The following RARA variants were observed in gnomAD, a reference collection of about 807,000 sequenced individuals.
The protein encoded by RARA is retinoic acid receptor alpha.
A neutral mutation model predicts 42.8 loss-of-function variants in RARA; 5 were observed. The observed-to-expected ratio is 0.12, with a 90% confidence interval of 0.06 to 0.25. RARA has a LOEUF of 0.25. Ranked by LOEUF, RARA falls within the 10% of genes least tolerant of loss-of-function variation. The pLI is 1.00. For missense variants in RARA, 402 were observed against 628.7 expected, an observed-to-expected ratio of 0.64 and a Z score of 3.86; for synonymous variants, 256 against 259.5, an observed-to-expected ratio of 0.99 and a Z score of 0.13.
chr17:40,341,688 A>G (rs1265695664), intron 2 of RARA: 2 of 1,331,778 alleles, frequency 1.5e-6, no homozygotes, highest in Non-Finnish European at 1.9e-6. Flanking sequence ...GCATTAGGCA[A>G]ATGAGGCCCG....
At position 40,331,035 on chromosome 17, in the gene RARA, TG is replaced by T; in HGVS notation, c.-179del. 3.2e-6 allele frequency: 2 copies of T among 623,136 alleles called. No homozygotes were observed. Among genetic ancestry groups the T allele is most frequent in the Non-Finnish European group, 5.2e-6 (2 of 382,724 alleles). The allele number at this position is 623,136 out of a possible 1,614,324, so 38.6% of individuals were successfully genotyped here. On this transcript the variant is annotated 5_prime_UTR_variant, in exon 2 of 9. Transcript: ENST00000254066. ...CAACCCACCTGGCCCCCAGCTAGGG[TG>T]GGGGCTCCAGGAGACTGAGATTAGC...
rs1048398357 is a variant in RARA at position 40,326,783 on chromosome 17, C to T, written c.-362-4074C>T. Reference sequence around the variant, plus strand: ...TTTGGTACTGGTTTCGATTCTCTGCCGAGGCCTTCTCCACCCCTGGGGTGT... The same window carrying T: ...TTTGGTACTGGTTTCGATTCTCTGCTGAGGCCTTCTCCACCCCTGGGGTGT... On this transcript the variant is annotated intron_variant, in intron 1 of 8. Coordinates refer to ENST00000254066, the MANE Select transcript of RARA (RefSeq NM_000964.4). This position sits in a 1 kb window ranked among gnomAD's most constrained non-coding sequence, Gnocchi z 5.2. Among the ~76,000 whole-genome samples the T allele has an allele frequency of 2.6e-4, 39 of 152,218 alleles. No individual in the cohort carries two copies. The highest frequency in any genetic ancestry group is 8.9e-4 in the African/African-American group (37 of 41,520).
At chr17:40,338,706 CAAAAAAA>C (rs34668171) in intron 2 of RARA, among the ~76,000 whole-genome samples, 3 of 52,422 alleles carry the variant, frequency 5.7e-5, no homozygotes, top group Non-Finnish European at 8.0e-5. Flanking sequence ...GACTTGGACT[CAAAAAAA>C]AAAAAAAAAA....
intron 1 of RARA, among the ~76,000 whole-genome samples, chr17:40,322,708 C>T (rs1013105416): frequency 2.0e-5 from 3 of 151,392 alleles, no homozygotes; most frequent in South Asian, 2.1e-4. Context: ...TCTCCAGTCA[C>T]GGCAGGAAGT....
At chr17:40,335,405 C>T (rs2033815694) in intron 2 of RARA, among the ~76,000 whole-genome samples, 1 of 152,010 alleles carries the variant, frequency 6.6e-6, no homozygotes, top group Non-Finnish European at 1.5e-5. Context: ...AACTTGGACA[C>T]TGGGCTGGGC....
rs184132070 is a variant in RARA, at chr17:40,328,857, T to C, written c.-362-2000T>C. On this transcript the variant is annotated intron_variant, in intron 1 of 8. Coordinates refer to ENST00000254066, the MANE Select transcript of RARA (RefSeq NM_000964.4). ...GATTCCACTTTTTGACTATTAGGAATAACGCTGCTGTGAATGTTCATGTAT... is the reference window on the plus strand; with the variant it reads ...GATTCCACTTTTTGACTATTAGGAACAACGCTGCTGTGAATGTTCATGTAT... 1.8e-3 allele frequency among the ~76,000 whole-genome samples: 270 copies of C among 152,364 alleles called. 2 individuals carry two copies. Among genetic ancestry groups the C allele is most frequent in the Admixed American group, 3.6e-3 (55 of 15,306 alleles).
intron 2 of RARA, among the ~76,000 whole-genome samples, chr17:40,346,300 C>G (rs761782814): frequency 1.3e-5 from 2 of 152,052 alleles, no homozygotes; most frequent in Admixed American, 1.3e-4. Context: ...CGTGACATCC[C>G]GCTCTGTACC....
At chr17:40,339,340 C>T (rs563995883) in intron 2 of RARA, among the ~76,000 whole-genome samples, 3 of 152,202 alleles carry the variant, frequency 2.0e-5, no homozygotes, top group Non-Finnish European at 2.9e-5. Context: ...CTGCTGAGGG[C>T]TTACTAAACG....
chr17:40,310,925 G>A (rs1344502285), intron 1 of RARA, among the ~76,000 whole-genome samples: 1 of 152,116 alleles, frequency 6.6e-6, no homozygotes, highest in African/African-American at 2.4e-5. Flanking sequence ...GCCCATCTGG[G>A]GGATGGAGGA....
At chr17:40,311,395 C>T (rs1227598600) in intron 1 of RARA, among the ~76,000 whole-genome samples, 1 of 152,040 alleles carries the variant, frequency 6.6e-6, no homozygotes, top group Non-Finnish European at 1.5e-5. Flanking sequence ...GGAGGAAACA[C>T]ACCAAGGTCC....
intron 1 of RARA, chr17:40,318,342 C>T (rs916557914): frequency 6.6e-6 from 1 of 152,346 alleles, no homozygotes; most frequent in South Asian, 2.1e-4. Flanking sequence ...CTGGACGGCT[C>T]CTCTCCCGGG....
intron 2 of RARA, chr17:40,341,556 AG>A: frequency 7.2e-7 from 1 of 1,397,712 alleles, no homozygotes; most frequent in South Asian, 1.6e-5. Flanking sequence ...TCGGCCGGGC[AG>A]GGGGCTGGCG....
At chr17:40,315,154 A>ATATATGCTTATATG (rs2033179529) in intron 1 of RARA, among the ~76,000 whole-genome samples, 1 of 134,322 alleles carries the variant, frequency 7.4e-6, no homozygotes, top group African/African-American at 2.9e-5. Flanking sequence ...ATATATATAT[A>ATATATGCTTATATG]TATATATATA....
chr17:40,320,722 C>T lies in RARA; in HGVS notation c.-362-10135C>T, dbSNP rs570763968. ...AAGCATGGGCAGGACAGGACTTAGG[C>T]TAGGCTGGAGGGGTGGTTTCTTTTG... On this transcript the variant is annotated intron_variant, in intron 1 of 8. Transcript: ENST00000254066. This position sits in a 1 kb window ranked among gnomAD's most constrained non-coding sequence, Gnocchi z 4.1. Among the ~76,000 whole-genome samples, 11 of 152,276 alleles carry T rather than the reference C, an allele frequency of 7.2e-5. No individual in the cohort carries two copies. The highest frequency in any genetic ancestry group is 3.4e-3 in the Middle Eastern group (1 of 294).
intron 1 of RARA, among the ~76,000 whole-genome samples, chr17:40,330,506 C>T (rs755592850): frequency 6.6e-6 from 1 of 152,266 alleles, no homozygotes. Flanking sequence ...TTCTCTGCAT[C>T]TTGACCTCAG....
chr17:40,309,780 G>A (rs1449315418), intron 1 of RARA, among the ~76,000 whole-genome samples: 2 of 152,184 alleles, frequency 1.3e-5, no homozygotes, highest in Non-Finnish European at 2.9e-5. Flanking sequence ...TCCCCTTCCA[G>A]GTTCATCTCA....
rs1567764074 is a variant in RARA, at chr17:40,352,321, C to T, written c.631-10C>T. On this transcript the variant is annotated splice_polypyrimidine_tract_variant and intron_variant, in intron 5 of 8. Transcript: ENST00000254066. The surrounding 1 kb of genome is among the most constrained non-coding windows in gnomAD (Gnocchi z 4.9). Reference sequence around the variant, plus strand: ...GGAGAAGAAGGCCCTCACTCTCCCTCCTCCCCCAGAACAACAGCTCAGAAC... The same window carrying T: ...GGAGAAGAAGGCCCTCACTCTCCCTTCTCCCCCAGAACAACAGCTCAGAAC... The T allele has an allele frequency of 6.3e-7, 1 of 1,591,268 alleles. No individual in the cohort carries two copies. The highest frequency in any genetic ancestry group is 8.6e-7 in the Non-Finnish European group (1 of 1,166,084).
rs996783614 is a variant in RARA at position 40,341,224 on chromosome 17, G to C, written c.179-7092G>C. 3.0e-5 allele frequency: 27 copies of C among 891,668 alleles called. No individual in the cohort carries two copies. In the African/African-American group the frequency reaches 4.4e-4, roughly 15 times the overall value. 55.2% of individuals were successfully genotyped at this position (891,668 alleles called of 1,614,324 possible). A position where few individuals can be genotyped will look rare whatever the true frequency, so the allele number is the denominator to read the frequency against. ...CTCTTCCTTTTATCTCTCCAGAGCT[G>C]GACAGTGCACCAGGGGCCGGTACTG... On this transcript the variant is annotated intron_variant, in intron 2 of 8. Coordinates refer to ENST00000254066, the MANE Select transcript of RARA (RefSeq NM_000964.4).
At chr17:40,318,140 A>G (rs1255370313) in intron 1 of RARA, 2 of 152,036 alleles carry the variant, frequency 1.3e-5, no homozygotes, top group Non-Finnish European at 2.9e-5. Context: ...GGCGGGCGTG[A>G]GCCTGTAGAT....
Sources: gnomAD v4.1 joint callset for allele counts (sites outside exome capture counted in the v4.1 genomes callset) on GRCh38, gnomAD v4.1.1 for gene constraint, Gnocchi (gnomAD v3.1) non-coding constraint, MANE v1.5 for transcripts, NCBI Gene and HGNC (gene_info 2026-07-23, HGNC 2026-07-21) for gene names.